The following GLB1L variants were observed in gnomAD, a reference collection of about 807,000 sequenced individuals.
The protein encoded by GLB1L is galactosidase beta 1 like.
A neutral mutation model predicts 75.7 loss-of-function variants in GLB1L; 58 were observed. The observed-to-expected ratio is 0.77, with a 90% CI of 0.62 to 0.95. The LOEUF (loss-of-function observed/expected upper bound fraction) is 0.95, where lower values mean the gene tolerates loss of function less well. GLB1L is among the 40% of genes least tolerant of loss of function. The pLI is 0.00. For missense variants in GLB1L, 797 were observed against 805.5 expected, an observed-to-expected ratio of 0.99 and a Z score of 0.13; for synonymous variants, 296 against 303.0, an observed-to-expected ratio of 0.98 and a Z score of 0.24.
intron 15 of GLB1L, 35 bp from the exon 16 acceptor site, chr2:219,237,762 T>G (rs749540991): frequency 6.2e-7 from 1 of 1,613,098 alleles, no homozygotes; most frequent in Non-Finnish European, 8.5e-7. Flanking sequence ...CATCATTCAC[T>G]AAGCTTTGAA....
At position 219,241,465 on chromosome 2, in the gene GLB1L, T is replaced by TATATATATACAC. The variant is rs1457421471; in HGVS notation, c.451+1048_451+1049insGTGTATATATAT. On this transcript the variant is annotated intron_variant, in intron 5 of 16. Coordinates refer to ENST00000295759, the MANE Select transcript of GLB1L (RefSeq NM_001286423.2). ...GTGTATATATATATATATATATATA[T>TATATATATACAC]ACATACATATATATGTATGTATAGA... is the stretch of plus-strand genomic sequence containing the variant. 2.2e-5 allele frequency among the ~76,000 whole-genome samples: 3 copies of TATATATATACAC among 136,520 alleles called. No individual in the cohort carries two copies. In the Admixed American group the frequency reaches 2.5e-4, roughly 11 times the overall value. The allele number at this position is 136,520 out of a possible 152,430, so 89.6% of individuals were successfully genotyped here.
rs1951335314 is a variant in GLB1L, at chr2:219,239,597, A to T, written c.866T>A (p.Leu289Gln). Residue 289 changes from leucine (L) to glutamine (Q), a missense_variant, in exon 9 of 17, where the codon CTA becomes CAA. Coordinates refer to ENST00000295759, the MANE Select transcript of GLB1L (RefSeq NM_001286423.2). ...TRSVSAVTKGLENMLKLGASV... is the reference protein window; with the variant it reads ...TRSVSAVTKGQENMLKLGASV... The stretch of plus-strand genomic sequence containing the variant: ...GGCTCCCAACTTGAGCATGTTCTCT[A>T]GTCCTTTGGTTACAGCTGACACAGA... The T allele has an allele frequency of 6.2e-7, 1 of 1,614,056 alleles. No individual in the cohort carries two copies. Among genetic ancestry groups the T allele is most frequent in the African/African-American group, 1.3e-5 (1 of 74,916 alleles).
In GLB1L at chr2:219,237,937, C is replaced by T. The variant is rs1402887936; in HGVS notation, c.1362G>A (p.Glu454=). 2 of 1,614,182 alleles carry T rather than the reference C, an allele frequency of 1.2e-6. No individual in the cohort carries two copies. The highest frequency in any genetic ancestry group is 1.7e-6 in the Non-Finnish European group (2 of 1,180,038). ...AAAATAGTTTGTCTCTCATATTTCG[C>T]TCCACAACACCCTGGAACACCTGTG... ...MVDGVFQGVV[E]RNMRDKLFLT... The change falls in exon 15 of 17, where the codon GAG becomes GAA. Residue 454 remains glutamate (E), a synonymous_variant. Transcript: ENST00000295759.
At position 219,238,382 on chromosome 2, in the gene GLB1L, G is replaced by T; in HGVS notation, c.1228-19C>A. The T allele has an allele frequency of 6.4e-7, 1 of 1,573,918 alleles. No individual in the cohort carries two copies. The highest frequency in any genetic ancestry group is 2.2e-5 in the East Asian group (1 of 44,526). On this transcript the variant is annotated intron_variant, in intron 13 of 16. Transcript: ENST00000295759. ...CATGGTCCTGGGTATGGAAGAATGAGTACTTCAGACAAACAGAAATAAAAG... is the reference window on the plus strand; with the variant it reads ...CATGGTCCTGGGTATGGAAGAATGATTACTTCAGACAAACAGAAATAAAAG...
In GLB1L at chr2:219,237,329, C is replaced by T. The variant is rs759686734; in HGVS notation, c.1708G>A (p.Gly570Arg). 2 of 1,613,732 alleles carry T rather than the reference C, an allele frequency of 1.2e-6. No homozygotes were observed. The highest frequency in any genetic ancestry group is 1.7e-5 in the Admixed American group (1 of 59,982). ...GTCCAGTACCGGCCCAAGTTAAACC[C>T]ATTGATCCAGACTTGGCCCTGGGGA... is the stretch of plus-strand genomic sequence containing the variant. ...GWTKGQVWIN[G>R]FNLGRYWTKQ... Residue 570 changes from glycine (G) to arginine (R), a missense_variant, in exon 17 of 17, where the codon GGG becomes AGG. Gly to Arg is a moderately radical substitution (Grantham distance 125). Coordinates refer to ENST00000295759, the MANE Select transcript of GLB1L (RefSeq NM_001286423.2).
Position 219,238,560 on chromosome 2 carries a change from C to T in GLB1L, c.1162G>A (p.Asp388Asn). ...ATGGGCCCACGGGGGCAAAGCAAGT[C>T]TAGGAAAGCCAGTAAATGCCCAACC... Reference protein sequence around the residue: ...HLVGHLLAFLDLLCPRGPIHS... With the variant: ...HLVGHLLAFLNLLCPRGPIHS... Residue 388 changes from aspartate (D) to asparagine (N), a missense_variant, in exon 13 of 17, where the codon GAC (aspartate) becomes AAC (asparagine). Coordinates refer to ENST00000295759, the MANE Select transcript of GLB1L (RefSeq NM_001286423.2). The T allele has an allele frequency of 6.2e-7, 1 of 1,613,918 alleles. No homozygotes were observed. The highest frequency in any genetic ancestry group is 8.5e-7 in the Non-Finnish European group (1 of 1,179,954).
In GLB1L at chr2:219,240,263, G is replaced by A. The variant is rs1231423937; in HGVS notation, c.474C>T (p.Ser158=). The change falls in exon 6 of 17, where the codon TCC becomes TCT. Residue 158 remains serine (S), a synonymous_variant. Coordinates refer to ENST00000295759, the MANE Select transcript of GLB1L (RefSeq NM_001286423.2). ...SDPDFLAAVD[S]WFKVLLPKIY... is the part of the protein sequence containing the mutation. ...TCTTGGGCAGCAAGACCTTGAACCA[G>A]GAGTCCACTGCGGCAAGGAAGTCTA... is the stretch of plus-strand genomic sequence containing the variant. 6.2e-7 allele frequency: 1 copy of A among 1,614,196 alleles called. No individual in the cohort carries two copies. The highest frequency in any genetic ancestry group is 1.1e-5 in the South Asian group (1 of 91,088).
chr2:219,239,520 C>G lies in GLB1L; in HGVS notation c.902+41G>C, dbSNP rs561207688. ...TGAATCTTAACTTTCATCCCCAGCT[C>G]CCAGCTACAGATTCATATTGCCCCC... On this transcript the variant is annotated intron_variant, in intron 9 of 16. Coordinates refer to ENST00000295759, the MANE Select transcript of GLB1L (RefSeq NM_001286423.2). 9.3e-6 allele frequency: 15 copies of G among 1,613,916 alleles called. No homozygotes were observed. In the African/African-American group the frequency reaches 1.9e-4, roughly 20 times the overall value.
chr2:219,238,381 A>G lies in GLB1L; in HGVS notation c.1228-18T>C, dbSNP rs746636979. ...CCATGGTCCTGGGTATGGAAGAATGAGTACTTCAGACAAACAGAAATAAAA... is the reference window on the plus strand; with the variant it reads ...CCATGGTCCTGGGTATGGAAGAATGGGTACTTCAGACAAACAGAAATAAAA... On this transcript the variant is annotated intron_variant, in intron 13 of 16. Transcript: ENST00000295759. 1.9e-6 allele frequency: 3 copies of G among 1,573,986 alleles called. No individual in the cohort carries two copies. Among genetic ancestry groups the G allele is most frequent in the African/African-American group, 1.4e-5 (1 of 73,660 alleles).
At chr2:219,240,325 T>C (rs1227154113) in intron 5 of GLB1L, 40 bp from the exon 6 acceptor site, 1 of 1,434,278 alleles carries the variant, frequency 7.0e-7, no homozygotes, top group South Asian at 1.1e-5. Flanking sequence ...GGTGCTACCA[T>C]CACACTTGCT....
chr2:219,240,138 G>A (rs1158481657), intron 6 of GLB1L, 44 bp from the exon 7 acceptor site: 2 of 1,613,484 alleles, frequency 1.2e-6, no homozygotes, highest in Admixed American at 3.3e-5. Context: ...TGGGATGGAG[G>A]TCAAGGACCC....
chr2:219,242,190 T>C (rs2125058429), intron 5 of GLB1L, among the ~76,000 whole-genome samples: 1 of 152,198 alleles, frequency 6.6e-6, no homozygotes, highest in South Asian at 2.1e-4. Flanking sequence ...GATTTTGCCA[T>C]GTTGGCCAGG....
Position 219,238,247 on chromosome 2 carries a change from C to T in GLB1L, c.1341+3G>A. 6.3e-7 allele frequency: 1 copy of T among 1,581,464 alleles called. No individual in the cohort carries two copies. Among genetic ancestry groups the T allele is most frequent in the Non-Finnish European group, 8.6e-7 (1 of 1,160,434 alleles). On this transcript the variant is annotated splice_donor_region_variant and intron_variant, in intron 14 of 16. Transcript: ENST00000295759. ...GGCTCACAGCCTGGAATTAGGTTCTCACCCCATCCACCATCACATAGGCAC... is the reference window on the plus strand; with the variant it reads ...GGCTCACAGCCTGGAATTAGGTTCTTACCCCATCCACCATCACATAGGCAC...
chr2:219,239,524 G>A, intron 9 of GLB1L, 37 bp downstream of exon 9: 1 of 1,613,996 alleles, frequency 6.2e-7, no homozygotes, highest in South Asian at 1.1e-5. Flanking sequence ...CCAGCTCCCA[G>A]CTACAGATTC....
chr2:219,243,386 G>C (rs1044421371), intron 2 of GLB1L, 72 bp from the exon 3 acceptor site: 2 of 1,587,886 alleles, frequency 1.3e-6, no homozygotes, highest in Non-Finnish European at 1.7e-6. Context: ...TGCCAAGAGC[G>C]GAAGAGATGG....
rs761238496 is a variant in GLB1L, at chr2:219,237,944, A to G, written c.1355T>C (p.Val452Ala). 15 of 1,614,092 alleles carry G rather than the reference A, an allele frequency of 9.3e-6. No homozygotes were observed. The highest frequency in any genetic ancestry group is 3.4e-6 in the Non-Finnish European group (4 of 1,179,996). The part of the protein sequence containing the change: ...YVMVDGVFQG[V>A]VERNMRDKLF... Reference sequence around the variant, plus strand: ...TTTGTCTCTCATATTTCGCTCCACAACACCCTGGAACACCTGTGGATAGGA... The same window carrying G: ...TTTGTCTCTCATATTTCGCTCCACAGCACCCTGGAACACCTGTGGATAGGA... The change falls in exon 15 of 17, where the codon GTT becomes GCT. Residue 452 changes from valine (V) to alanine (A), a missense_variant. Val to Ala is a moderately conservative substitution (Grantham distance 64). Coordinates refer to ENST00000295759, the MANE Select transcript of GLB1L (RefSeq NM_001286423.2).
chr2:219,243,209 G>A lies in GLB1L; in HGVS notation c.178C>T (p.Arg60Trp). The A allele has an allele frequency of 1.2e-6, 2 of 1,614,106 alleles. No individual in the cohort carries two copies. The highest frequency in any genetic ancestry group is 2.2e-5 in the South Asian group (2 of 91,074). ...AAAAGCCGGTCGGCCCAAAGCACCC[G>A]CGGTACCCGAAAGTAGTGCAGGCTG... ...SGSLHYFRVP[R>W]VLWADRLLKM... Residue 60 changes from arginine (R) to tryptophan (W), a missense_variant, in exon 3 of 17, where the codon CGG becomes TGG. Transcript: ENST00000295759.
chr2:219,238,504 A>G lies in GLB1L; in HGVS notation c.1218T>C (p.Ala406=), dbSNP rs1265068929. 1 of 1,614,012 alleles carries G rather than the reference A, an allele frequency of 6.2e-7. No individual in the cohort carries two copies. Among genetic ancestry groups the G allele is most frequent in the Admixed American group, 1.7e-5 (1 of 60,006 alleles). ...TGGGTTTATGCCTTACCTGCTTGACAGCCTCAAAGGTCATTGGCAAGATTG... is the reference window on the plus strand; with the variant it reads ...TGGGTTTATGCCTTACCTGCTTGACGGCCTCAAAGGTCATTGGCAAGATTG... The part of the protein sequence containing the change: ...IHSILPMTFE[A]VKQDHGFMLY... The change falls in exon 13 of 17, where the codon GCT becomes GCC. Residue 406 remains alanine (A), a synonymous_variant. Coordinates refer to ENST00000295759, the MANE Select transcript of GLB1L (RefSeq NM_001286423.2).
At chr2:219,244,788 T>C (rs1951487558) in intron 1 of GLB1L, among the ~76,000 whole-genome samples, 1 of 152,082 alleles carries the variant, frequency 6.6e-6, no homozygotes, top group Admixed American at 6.5e-5. Flanking sequence ...CTCCATGAGG[T>C]AGATAATTAT....
Sources: gnomAD v4.1 joint callset for allele counts (sites outside exome capture counted in the v4.1 genomes callset) on GRCh38, gnomAD v4.1.1 for gene constraint, MANE v1.5 for transcripts, NCBI Gene and HGNC (gene_info 2026-07-23, HGNC 2026-07-21) for gene names.